The following KDM1A variants were observed in gnomAD, a reference collection of about 807,000 sequenced individuals.
The protein encoded by KDM1A is lysine-specific histone demethylase 1A.
In KDM1A, 49 loss-of-function variants were observed where a neutral mutation model predicts 109.4. The observed-to-expected ratio is 0.45, with a 90% CI of 0.36 to 0.57. The LOEUF is 0.57. KDM1A is among the 20% of genes least tolerant of loss of function. The probability of loss-of-function intolerance (pLI) is 0.00; values close to 1 mark genes in which losing one functional copy is unlikely to be tolerated. For missense variants in KDM1A, 668 were observed against 1,116.6 expected (o/e 0.60, Z 5.73); for synonymous variants, 380 against 415.4 (o/e 0.91, Z 1.04).
chr1:23,057,741 CT>C, intron 8 of KDM1A, 176 bp downstream of exon 8: 2 of 365,370 alleles, frequency 5.5e-6, no homozygotes, highest in Non-Finnish European at 1.0e-5. Context: ...CCTAGAGTAC[CT>C]TTTTCTAGTT....
At chr1:23,048,745 A>G (rs1269679777) in intron 3 of KDM1A, among the ~76,000 whole-genome samples, 2 of 152,090 alleles carry the variant, frequency 1.3e-5, no homozygotes, top group Non-Finnish European at 2.9e-5. Flanking sequence ...TTCTAAGTTA[A>G]CATCTTTACC....
At chr1:23,052,123 A>T (rs1406944453) in intron 4 of KDM1A, among the ~76,000 whole-genome samples, 1 of 152,086 alleles carries the variant, frequency 6.6e-6, no homozygotes, top group Non-Finnish European at 1.5e-5. Flanking sequence ...ATTTACAGGG[A>T]TCTCTGTCTT....
chr1:23,050,459 C>T lies in KDM1A; in HGVS notation c.650C>T (p.Pro217Leu). ...ACTTCTCAAGAAGCAGCCTGTTTTC[C>T]AGATATTATCAGTGGACCACAACAG... ...RMTSQEAACF[P>L]DIISGPQQTQ... The change falls in exon 4 of 21, where the codon CCA (proline) becomes CTA (leucine). Residue 217 changes from proline (P) to leucine (L), a missense_variant. Coordinates refer to ENST00000400181, the MANE Select transcript of KDM1A (RefSeq NM_001009999.3). 6.2e-7 allele frequency: 1 copy of T among 1,613,378 alleles called. No individual in the cohort carries two copies. The highest frequency in any genetic ancestry group is 8.5e-7 in the Non-Finnish European group (1 of 1,179,646).
At position 23,050,405 on chromosome 1, in the gene KDM1A, T is replaced by C; in HGVS notation, c.596T>C (p.Phe199Ser). 1 of 1,611,592 alleles carries C rather than the reference T, an allele frequency of 6.2e-7. No homozygotes were observed. Among genetic ancestry groups the C allele is most frequent in the Non-Finnish European group, 8.5e-7 (1 of 1,178,902 alleles). Residue 199 changes from phenylalanine to serine, a missense_variant, in exon 4 of 21, where the codon TTC becomes TCC. Physicochemically the swap from Phe to Ser is radical, Grantham distance 155 (BLOSUM62 -2). Transcript: ENST00000400181. Reference sequence around the variant, plus strand: ...TCGTTAGGTGTGGAGGGCGCAGCTTTCCAGAGCCGACTTCCTCATGACCGG... The same window carrying C: ...TCGTTAGGTGTGGAGGGCGCAGCTTCCCAGAGCCGACTTCCTCATGACCGG... ...GQASGVEGAA[F>S]QSRLPHDRMT...
chr1:23,060,624 CAT>C (rs997836745), intron 9 of KDM1A, among the ~76,000 whole-genome samples: 2 of 151,890 alleles, frequency 1.3e-5, no homozygotes, highest in African/African-American at 4.8e-5. Context: ...AGGATTTCAA[CAT>C]GTGTTTATGG....
intron 13 of KDM1A, 24 bp downstream of exon 13, chr1:23,071,383 C>T (rs375738372): frequency 6.4e-7 from 1 of 1,567,312 alleles, no homozygotes; most frequent in Non-Finnish European, 8.6e-7. Context: ...ACATGCCTAA[C>T]TGGTTTTACT....
At chr1:23,058,698 A>G (rs1642911698) in intron 8 of KDM1A, among the ~76,000 whole-genome samples, 1 of 152,178 alleles carries the variant, frequency 6.6e-6, no homozygotes. Flanking sequence ...TTAGAATATT[A>G]TACGATGAGA....
chr1:23,077,754 G>A (rs780815164), intron 16 of KDM1A, among the ~76,000 whole-genome samples: 28 of 152,164 alleles, frequency 1.8e-4, no homozygotes, highest in Non-Finnish European at 2.6e-4. Context: ...ATAAATACCA[G>A]GATTTTGGCC....
chr1:23,044,338 C>T lies in KDM1A; in HGVS notation c.518-89C>T, dbSNP rs746277013. 3.4e-6 allele frequency: 4 copies of T among 1,189,188 alleles called. No homozygotes were observed. The South Asian group carries it at 5.2e-5, about 15-fold the overall frequency. The allele number at this position is 1,189,188 out of a possible 1,614,324, so 73.7% of individuals were successfully genotyped here. A position where few individuals can be genotyped will look rare whatever the true frequency, so the allele number is the denominator to read the frequency against. On this transcript the variant is annotated intron_variant, in intron 2 of 20. Coordinates refer to ENST00000400181, the MANE Select transcript of KDM1A (RefSeq NM_001009999.3). The stretch of plus-strand genomic sequence containing the variant: ...TGGGTTTACTAGTTGGTGGTGAATT[C>T]ATGAGTCGCCAACTATTAGGCCTTT...
rs537309873 is a variant in KDM1A at position 23,072,005 on chromosome 1, C to T, written c.1549-119C>T. The T allele has an allele frequency of 1.3e-3, 842 of 653,808 alleles. 1 individual carries two copies. The highest frequency in any genetic ancestry group is 2.3e-3 in the Admixed American group (79 of 34,270). 40.5% of individuals were successfully genotyped at this position (653,808 alleles called of 1,614,324 possible). On this transcript the variant is annotated intron_variant, in intron 13 of 20. Coordinates refer to ENST00000400181, the MANE Select transcript of KDM1A (RefSeq NM_001009999.3). The stretch of plus-strand genomic sequence containing the variant: ...CTAACCCCAGCCTAAAATTGAGCCA[C>T]ACTTCCTGTACATGATCTGAAGAGG...
intron 2 of KDM1A, among the ~76,000 whole-genome samples, chr1:23,043,073 A>G (rs983649314): frequency 6.6e-6 from 1 of 152,236 alleles, no homozygotes; most frequent in Non-Finnish European, 1.5e-5. Context: ...TTATGAATAA[A>G]GCCAGAATTT....
intron 9 of KDM1A, among the ~76,000 whole-genome samples, chr1:23,063,095 T>C (rs951366735): frequency 2.0e-5 from 3 of 151,784 alleles, no homozygotes; most frequent in Non-Finnish European, 4.4e-5. Flanking sequence ...TTTCTGCATC[T>C]CCTGTACATC....
chr1:23,062,310 G>A (rs757014921), intron 9 of KDM1A, among the ~76,000 whole-genome samples: 1 of 152,144 alleles, frequency 6.6e-6, no homozygotes, highest in Non-Finnish European at 1.5e-5. Flanking sequence ...TGAGAGCTTT[G>A]TTGTAGTTAC....
Position 23,022,333 on chromosome 1 carries a change from T to TG in KDM1A, c.351+2386_351+2387insG, listed in dbSNP as rs1320931565. ...TCCAATGTTCTTCTTCGTTTTTTTT[T>TG]TTTTGTTGTTGTTGTTTTTGAGATG... On this transcript the variant is annotated intron_variant, in intron 1 of 20. Transcript: ENST00000400181. Among the ~76,000 whole-genome samples the TG allele has an allele frequency of 2.3e-3, 209 of 90,132 alleles. 1 individual carries two copies. Among genetic ancestry groups the TG allele is most frequent in the African/African-American group, 7.4e-3 (194 of 26,284 alleles). The allele number at this position is 90,132 out of a possible 152,430, so 59.1% of individuals were successfully genotyped here. A position where few individuals can be genotyped will look rare whatever the true frequency, so the allele number is the denominator to read the frequency against.
rs1379646135 is a variant in KDM1A, at chr1:23,040,237, C to A, written c.518-4190C>A. On this transcript the variant is annotated intron_variant, in intron 2 of 20. Transcript: ENST00000400181. ...CTGGAAACAACCAACCAGTGATTTTCACCTCCTTGTTTGTTTGCCAGATAA... is the reference window on the plus strand; with the variant it reads ...CTGGAAACAACCAACCAGTGATTTTAACCTCCTTGTTTGTTTGCCAGATAA... 2.6e-5 allele frequency among the ~76,000 whole-genome samples: 4 copies of A among 152,312 alleles called. No individual in the cohort carries two copies. The South Asian group carries it at 8.3e-4, about 32-fold the overall frequency.
intron 2 of KDM1A, among the ~76,000 whole-genome samples, chr1:23,035,924 C>T (rs1642129049): frequency 6.6e-6 from 1 of 151,988 alleles, no homozygotes; most frequent in Admixed American, 6.5e-5. Flanking sequence ...ATAAGTGGTA[C>T]TAATATTTTC....
intron 9 of KDM1A, among the ~76,000 whole-genome samples, chr1:23,064,411 G>A (rs1312487906): frequency 6.6e-6 from 1 of 152,222 alleles, no homozygotes; most frequent in African/African-American, 2.4e-5. Context: ...GAGATTGACT[G>A]TGGCCTCCAC....
chr1:23,027,387 A>G (rs1383051588), intron 1 of KDM1A, among the ~76,000 whole-genome samples: 1 of 150,554 alleles, frequency 6.6e-6, no homozygotes, highest in East Asian at 1.9e-4. Flanking sequence ...CAAATTGTGC[A>G]AAAGGTAGAA....
At chr1:23,080,912 CTG>C in intron 18 of KDM1A, 1 of 152,416 alleles carries the variant, frequency 6.6e-6, no homozygotes, top group Middle Eastern at 3.4e-3. Context: ...AATTTTGCAT[CTG>C]TTGCTCTATT....
Sources: allele counts gnomAD v4.1 joint callset (sites outside exome capture counted in the v4.1 genomes callset), GRCh38; gene constraint gnomAD v4.1.1; transcripts MANE v1.5; gene names NCBI Gene and HGNC (gene_info 2026-07-23, HGNC 2026-07-21).